The following CNTN5 variants were observed in gnomAD, a reference collection of about 807,000 sequenced individuals.
CNTN5 encodes the protein contactin 5.
A neutral mutation model predicts 129.1 loss-of-function variants in CNTN5; 77 were observed. That is an observed-to-expected ratio of 0.60 (90% CI 0.50 to 0.72). The LOEUF is 0.72. Among genes scored for constraint, CNTN5 ranks in the 30% least tolerant of loss-of-function variants. The probability of loss-of-function intolerance (pLI) is 0.00; values close to 1 mark genes in which losing one functional copy is unlikely to be tolerated. For missense variants in CNTN5, 1,478 were observed against 1,328.8 expected, an observed-to-expected ratio of 1.11 and a Z score of -1.75; for synonymous variants, 509 against 465.6, an observed-to-expected ratio of 1.09 and a Z score of -1.20.
At position 99,916,072 on chromosome 11, in the gene CNTN5, G is replaced by A; in HGVS notation, c.596G>A (p.Gly199Asp). The A allele has an allele frequency of 6.2e-7, 1 of 1,612,014 alleles. No individual in the cohort carries two copies. Among genetic ancestry groups the A allele is most frequent in the Middle Eastern group, 1.7e-4 (1 of 6,054 alleles). ...LQFAYLGNFS[G>D]RTRSAVSVRE... The stretch of plus-strand genomic sequence containing the variant: ...TTGACAGATCTGGGAAATTTTAGTG[G>A]CCGGACAAGAAGTGCAGTCTCTGTG... Residue 199 changes from glycine (G) to aspartate (D), a missense_variant, in exon 7 of 25, where the codon GGC (glycine) becomes GAC (aspartate). Physicochemically the swap from Gly to Asp is moderately conservative, Grantham distance 94 (BLOSUM62 -1). Coordinates refer to ENST00000524871, the MANE Select transcript of CNTN5 (RefSeq NM_014361.4).
chr11:99,233,623 A>G (rs907488576), intron 1 of CNTN5, among the ~76,000 whole-genome samples: 1 of 152,206 alleles, frequency 6.6e-6, no homozygotes, highest in Non-Finnish European at 1.5e-5. Flanking sequence ...AATAAAATAT[A>G]CATTTAAATT....
chr11:100,193,729 C>A, intron 15 of CNTN5, 66 bp downstream of exon 15: 1 of 1,413,002 alleles, frequency 7.1e-7, no homozygotes, highest in Non-Finnish European at 9.7e-7. Flanking sequence ...AAATGTAAGA[C>A]CTTGCTTAGC....
chr11:99,420,693 A>G (rs887002383), intron 2 of CNTN5, among the ~76,000 whole-genome samples: 2 of 152,202 alleles, frequency 1.3e-5, no homozygotes, highest in African/African-American at 4.8e-5. Context: ...TGATAAATTG[A>G]AAGCAGTCAA....
intron 18 of CNTN5, among the ~76,000 whole-genome samples, chr11:100,297,248 T>A (rs1461136368): frequency 1.3e-5 from 2 of 151,480 alleles, no homozygotes; most frequent in Non-Finnish European, 3.0e-5. Context: ...CCTGTGGATT[T>A]TTCAGTGGCT....
intron 2 of CNTN5, among the ~76,000 whole-genome samples, chr11:99,399,089 A>G (rs1201761278): frequency 6.6e-6 from 1 of 151,842 alleles, no homozygotes; most frequent in Non-Finnish European, 1.5e-5. Flanking sequence ...TTCATCTGAG[A>G]CAGCATTTAA....
At chr11:99,520,172 A>G (rs1355168319) in intron 2 of CNTN5, among the ~76,000 whole-genome samples, 1 of 152,152 alleles carries the variant, frequency 6.6e-6, no homozygotes, top group Admixed American at 6.6e-5. Flanking sequence ...CTGGCAGAAT[A>G]TTTATATTTT....
At chr11:99,766,686 T>C (rs1452933218) in intron 3 of CNTN5, among the ~76,000 whole-genome samples, 1 of 152,088 alleles carries the variant, frequency 6.6e-6, no homozygotes, top group Admixed American at 6.6e-5. Flanking sequence ...TTTTTCATCA[T>C]TTCCCTGTCA....
intron 1 of CNTN5, among the ~76,000 whole-genome samples, chr11:99,139,757 T>G (rs1190342252): frequency 1.3e-5 from 2 of 152,180 alleles, no homozygotes; most frequent in Admixed American, 1.3e-4. Flanking sequence ...GTACAAATAT[T>G]TGACAATTAT....
rs573885485 is a variant in CNTN5 at position 99,414,645 on chromosome 11, C to T, written c.-71+89161C>T. ...TATGGGAGGGATGTTTTGAGAAGTT[C>T]TCTCTGTTAAAATGACATCTGAGCA... On this transcript the variant is annotated intron_variant, in intron 2 of 24. Transcript: ENST00000524871. 1.8e-4 allele frequency among the ~76,000 whole-genome samples: 27 copies of T among 152,130 alleles called. No homozygotes were observed. The South Asian group carries it at 5.6e-3, about 32-fold the overall frequency.
At chr11:100,247,581 T>C (rs772285720) in intron 16 of CNTN5, among the ~76,000 whole-genome samples, 2 of 152,126 alleles carry the variant, frequency 1.3e-5, no homozygotes, top group African/African-American at 2.4e-5. Context: ...CCACGTGAAG[T>C]TGAACTCTGC....
intron 1 of CNTN5, among the ~76,000 whole-genome samples, chr11:99,174,851 T>C (rs1857696900): frequency 6.6e-6 from 1 of 152,132 alleles, no homozygotes; most frequent in Non-Finnish European, 1.5e-5. Context: ...ATACTTGTTA[T>C]GTGATAAAAT....
At chr11:100,155,772 G>C (rs59769441) in intron 13 of CNTN5, among the ~76,000 whole-genome samples, 5,125 of 152,030 alleles carry the variant, frequency 0.034, 295 homozygotes, top group African/African-American at 0.12. Context: ...TTATTTCTTT[G>C]TAGAAATTGT....
intron 24 of CNTN5, among the ~76,000 whole-genome samples, chr11:100,351,861 T>C (rs1451945796): frequency 6.6e-6 from 1 of 151,528 alleles, no homozygotes; most frequent in Non-Finnish European, 1.5e-5. Flanking sequence ...CCTATGTTAT[T>C]TAACGTATTT....
At chr11:99,174,802 A>C (rs1309669660) in intron 1 of CNTN5, among the ~76,000 whole-genome samples, 1 of 151,950 alleles carries the variant, frequency 6.6e-6, no homozygotes, top group Admixed American at 6.6e-5. Context: ...TTCATTAATT[A>C]ACTTATTAAT....
intron 9 of CNTN5, among the ~76,000 whole-genome samples, chr11:100,058,016 A>G (rs1943306232): frequency 1.3e-5 from 2 of 152,104 alleles, no homozygotes. Flanking sequence ...AGCTACCTCT[A>G]TACCCAGTCA....
intron 2 of CNTN5, among the ~76,000 whole-genome samples, chr11:99,436,325 A>C (rs1943597726): frequency 6.6e-6 from 1 of 152,152 alleles, no homozygotes; most frequent in Admixed American, 6.5e-5. Flanking sequence ...ACATATGAAT[A>C]AATGGAGGAT....
chr11:99,500,895 A>G lies in CNTN5; in HGVS notation c.-70-55250A>G, dbSNP rs531041990. On this transcript the variant is annotated intron_variant, in intron 2 of 24. Transcript: ENST00000524871. Reference sequence around the variant, plus strand: ...TTCTTCCAAAATGTTTCAAAAATTTATACTCCTAGCAAAGCTATATGAAAG... The same window carrying G: ...TTCTTCCAAAATGTTTCAAAAATTTGTACTCCTAGCAAAGCTATATGAAAG... Among the ~76,000 whole-genome samples, 5 of 152,302 alleles carry G rather than the reference A, an allele frequency of 3.3e-5. No individual in the cohort carries two copies. The South Asian group carries it at 1.0e-3, about 32-fold the overall frequency.
At chr11:99,358,609 G>C (rs1461988544) in intron 2 of CNTN5, among the ~76,000 whole-genome samples, 3 of 151,964 alleles carry the variant, frequency 2.0e-5, no homozygotes, top group South Asian at 2.1e-4. Context: ...TTTACTATGA[G>C]TTTCAGGCCA....
chr11:99,259,907 T>C (rs529706750), intron 1 of CNTN5, among the ~76,000 whole-genome samples: 3 of 151,984 alleles, frequency 2.0e-5, no homozygotes, highest in African/African-American at 7.2e-5. Flanking sequence ...CCATTTCATA[T>C]ATTTTGGTCA....
Sources: allele counts gnomAD v4.1 joint callset (sites outside exome capture counted in the v4.1 genomes callset), GRCh38; gene constraint gnomAD v4.1.1; transcripts MANE v1.5; gene names NCBI Gene and HGNC (gene_info 2026-07-23, HGNC 2026-07-21).